Variants in ZNF507 observed in about 807,000 individuals in gnomAD.
ZNF507 encodes the protein zinc finger protein 507.
A neutral mutation model predicts 80.0 loss-of-function variants in ZNF507; 29 were observed. The ratio of observed to expected loss-of-function variants is 0.36; its 90% CI spans 0.27 to 0.49. ZNF507 has a LOEUF of 0.49. Among genes scored for constraint, ZNF507 ranks in the 20% least tolerant of loss-of-function variants. The pLI is 0.98. For synonymous variants in ZNF507, 462 were observed against 422.5 expected, an observed-to-expected ratio of 1.09 and a Z score of -1.15; for missense variants, 1,081 against 1,152.2, an observed-to-expected ratio of 0.94 and a Z score of 0.90.
intron 5 of ZNF507, among the ~76,000 whole-genome samples, chr19:32,375,214 C>T (rs545609728): frequency 1.8e-4 from 27 of 152,140 alleles, no homozygotes; most frequent in Non-Finnish European, 3.1e-4. Context: ...GACATTACTG[C>T]GTTTGTCACA....
chr19:32,360,622 A>G lies in ZNF507; in HGVS notation c.2360+4A>G. The stretch of plus-strand genomic sequence containing the variant: ...ATAACTCTGATAAGCCGTACAGGTA[A>G]GTGTTATGATTCTAGAATTTTAATG... On this transcript the variant is annotated splice_donor_region_variant and intron_variant, in intron 5 of 6. Coordinates refer to ENST00000355898, the MANE Select transcript of ZNF507 (RefSeq NM_001136156.2). 1 of 1,496,330 alleles carries G rather than the reference A, an allele frequency of 6.7e-7. No homozygotes were observed. The highest frequency in any genetic ancestry group is 9.0e-7 in the Non-Finnish European group (1 of 1,108,560). The allele number at this position is 1,496,330 out of a possible 1,614,324, so 92.7% of individuals were successfully genotyped here.
At chr19:32,382,371 C>T (rs547410880) in intron 5 of ZNF507, 96 bp from the exon 6 acceptor site, 48 of 1,450,976 alleles carry the variant, frequency 3.3e-5, no homozygotes, top group South Asian at 3.1e-4. Flanking sequence ...AATAAGGGTT[C>T]GGAGGAAGGG....
intron 5 of ZNF507, among the ~76,000 whole-genome samples, chr19:32,379,216 A>G (rs1265338950): frequency 2.0e-5 from 3 of 152,206 alleles, no homozygotes; most frequent in Non-Finnish European, 4.4e-5. Context: ...CCTCTGATAA[A>G]GATGTTAGTG....
chr19:32,360,505 G>A lies in ZNF507; in HGVS notation c.2247G>A (p.Gly749=). 6.5e-7 allele frequency: 1 copy of A among 1,545,404 alleles called. No homozygotes were observed. The highest frequency in any genetic ancestry group is 8.7e-7 in the Non-Finnish European group (1 of 1,143,922). The change falls in exon 5 of 7, where the codon GGG becomes GGA. Residue 749 remains glycine (G), a splice_region_variant and synonymous_variant. Transcript: ENST00000355898. The part of the protein sequence containing the change: ...DTADGKCVQE[G]NKSSVQKQYR... The stretch of plus-strand genomic sequence containing the variant: ...AAAACTCTGAAATACCTTGTCTAGG[G>A]AATAAGTCTTCAGTCCAGAAACAAT...
In ZNF507 at chr19:32,380,537, T is replaced by C. The variant is rs1967609757; in HGVS notation, c.2361-1930T>C. The C allele has an allele frequency of 9.6e-6, 14 of 1,459,662 alleles. No individual in the cohort carries two copies. In the South Asian group the frequency reaches 1.6e-4, roughly 17 times the overall value. The allele number at this position is 1,459,662 out of a possible 1,614,324, so 90.4% of individuals were successfully genotyped here. On this transcript the variant is annotated intron_variant, in intron 5 of 6. Coordinates refer to ENST00000355898, the MANE Select transcript of ZNF507 (RefSeq NM_001136156.2). ...TTTAGTCTTTGACCGTATTTAATTG[T>C]TTTATTTACTCCTATGCCGTTTGAT... is the stretch of plus-strand genomic sequence containing the variant.
intron 1 of ZNF507, among the ~76,000 whole-genome samples, chr19:32,346,620 G>C (rs1475758825): frequency 6.6e-6 from 1 of 152,176 alleles, no homozygotes; most frequent in African/African-American, 2.4e-5. Context: ...CTTCAGGGGA[G>C]CCCTAAAGAT....
At chr19:32,347,122 C>T (rs911573145) in intron 1 of ZNF507, 123 bp from the exon 2 acceptor site, 1 of 152,154 alleles carries the variant, frequency 6.6e-6, no homozygotes, top group Non-Finnish European at 1.5e-5. Flanking sequence ...CATGAACATT[C>T]CTCTGAATTT....
Position 32,370,902 on chromosome 19 carries a change from T to C in ZNF507, c.2360+10284T>C, listed in dbSNP as rs573715181. ...TTTACCCATTTTGAGTTGATTGCTG[T>C]GGATGATGTAAGATATGGGTCCAGT... On this transcript the variant is annotated intron_variant, in intron 5 of 6. Transcript: ENST00000355898. 3.3e-5 allele frequency among the ~76,000 whole-genome samples: 5 copies of C among 152,352 alleles called. No individual in the cohort carries two copies. The South Asian group carries it at 1.0e-3, about 32-fold the overall frequency.
At chr19:32,381,214 G>A (rs1049172262) in intron 5 of ZNF507, among the ~76,000 whole-genome samples, 4 of 152,138 alleles carry the variant, frequency 2.6e-5, no homozygotes, top group African/African-American at 9.7e-5. Flanking sequence ...TTCAGGGGCA[G>A]GAAGGAAGGA....
chr19:32,353,112 G>C lies in ZNF507; in HGVS notation c.282G>C (p.Gln94His), dbSNP rs755411123. The change falls in exon 3 of 7, where the codon CAG (glutamine) becomes CAC (histidine). Residue 94 changes from glutamine to histidine, a missense_variant. By Grantham distance (24) the Gln-to-His change is conservative. This residue lies in a region of ZNF507 where 275 missense variants were observed against 303.9 expected (regional missense o/e 0.90). Coordinates refer to ENST00000355898, the MANE Select transcript of ZNF507 (RefSeq NM_001136156.2). ...ELCEIPAKVI[Q>H]SPAADTRRAE... ...GTGAGATTCCGGCTAAAGTAATCCA[G>C]TCACCTGCTGCTGATACTAGAAGGG... 2.2e-5 allele frequency: 35 copies of C among 1,614,092 alleles called. No homozygotes were observed. The highest frequency in any genetic ancestry group is 2.9e-5 in the Non-Finnish European group (34 of 1,180,062).
chr19:32,351,952 C>A (rs1967174464), intron 2 of ZNF507, among the ~76,000 whole-genome samples: 1 of 152,054 alleles, frequency 6.6e-6, no homozygotes, highest in African/African-American at 2.4e-5. Context: ...ACTTCCTCAG[C>A]CATAATGCAT....
At chr19:32,380,730 C>A in intron 5 of ZNF507, 3 of 1,025,626 alleles carry the variant, frequency 2.9e-6, no homozygotes, top group Non-Finnish European at 4.4e-6. Context: ...ACAATACGAC[C>A]CAGCAATTAT....
At chr19:32,347,998 A>G (rs1967117339) in intron 2 of ZNF507, among the ~76,000 whole-genome samples, 1 of 152,224 alleles carries the variant, frequency 6.6e-6, no homozygotes, top group Non-Finnish European at 1.5e-5. Context: ...TGTAGCCAAT[A>G]TAGTGAGGTA....
Position 32,382,775 on chromosome 19 carries a change from C to T in ZNF507, c.2554C>T (p.Pro852Ser). The T allele has an allele frequency of 6.2e-7, 1 of 1,614,088 alleles. No homozygotes were observed. The change falls in exon 7 of 7, where the codon CCC becomes TCC. Residue 852 changes from proline to serine, a missense_variant. Transcript: ENST00000355898. ...QLKSSEESAD[P>S]VTGSSENAVS... ...AAAGAGCAGTGAAGAGAGTGCAGAT[C>T]CCGTCACTGGAAGTTCAGAAAATGC... is the stretch of plus-strand genomic sequence containing the variant.
intron 5 of ZNF507, among the ~76,000 whole-genome samples, chr19:32,381,684 A>G (rs1392043165): frequency 6.6e-6 from 1 of 152,186 alleles, no homozygotes; most frequent in Non-Finnish European, 1.5e-5. Flanking sequence ...AATGTAAACT[A>G]TGGACTTTTG....
At chr19:32,349,624 A>C (rs1831499870) in intron 2 of ZNF507, among the ~76,000 whole-genome samples, 1 of 152,236 alleles carries the variant, frequency 6.6e-6, no homozygotes, top group African/African-American at 2.4e-5. Flanking sequence ...CGCCTTGCAC[A>C]TAACAATTTG....
chr19:32,386,363 A>G lies in ZNF507; in HGVS notation c.*3280A>G, dbSNP rs1967689747. The G allele has an allele frequency of 6.6e-6, 1 of 152,584 alleles. No individual in the cohort carries two copies. Among genetic ancestry groups the G allele is most frequent in the Admixed American group, 6.5e-5 (1 of 15,276 alleles). The allele number at this position is 152,584 out of a possible 1,614,324, so 9.5% of individuals were successfully genotyped here. ...CTCTGTTGAGACTTATTGTGTTTTT[A>G]GTTTTCATAGACACTTATTTAATCT... On this transcript the variant is annotated 3_prime_UTR_variant, in exon 7 of 7. Transcript: ENST00000355898.
rs1306448930 is a variant in ZNF507 at position 32,387,584 on chromosome 19, A to T, written c.*4501A>T. The T allele has an allele frequency of 6.6e-6, 1 of 152,346 alleles. No homozygotes were observed. Among genetic ancestry groups the T allele is most frequent in the African/African-American group, 2.4e-5 (1 of 41,586 alleles). 9.4% of individuals were successfully genotyped at this position (152,346 alleles called of 1,614,324 possible). A position where few individuals can be genotyped will look rare whatever the true frequency, so the allele number is the denominator to read the frequency against. The stretch of plus-strand genomic sequence containing the variant: ...CATAGCAGTTGCAAAGACTTAGTAC[A>T]AAAAGAATGGAAATGTATTAACAGT... On this transcript the variant is annotated 3_prime_UTR_variant, in exon 7 of 7. Coordinates refer to ENST00000355898, the MANE Select transcript of ZNF507 (RefSeq NM_001136156.2).
intron 5 of ZNF507, among the ~76,000 whole-genome samples, chr19:32,363,375 A>G (rs1474094250): frequency 6.6e-6 from 1 of 152,218 alleles, no homozygotes; most frequent in Non-Finnish European, 1.5e-5. Context: ...TGCCTATTAC[A>G]TAACAAGTTT....
Sources: allele counts gnomAD v4.1 joint callset (sites outside exome capture counted in the v4.1 genomes callset), GRCh38; gene constraint gnomAD v4.1.1; regional missense constraint gnomAD v4.1.1; transcripts MANE v1.5; gene names NCBI Gene and HGNC (gene_info 2026-07-23, HGNC 2026-07-21).